WFDC8: variants seen among roughly 807,000 people sequenced by gnomAD.
The protein encoded by WFDC8 is WAP four-disulfide core domain protein 8.
A neutral mutation model predicts 27.0 loss-of-function variants in WFDC8; 24 were observed. The ratio of observed to expected loss-of-function variants is 0.89; its 90% CI spans 0.64 to 1.25. The LOEUF (loss-of-function observed/expected upper bound fraction) is 1.25. WFDC8 is among the 50% of genes most tolerant of loss of function. WFDC8 has a pLI of 0.00. For synonymous variants in WFDC8, 106 were observed against 99.7 expected (o/e 1.06, Z -0.38); for missense variants, 287 against 295.9 (o/e 0.97, Z 0.22).
chr20:45,555,545 A>G (rs1378745877), intron 4 of WFDC8, among the ~76,000 whole-genome samples, 156 bp downstream of exon 4: 2 of 152,208 alleles, frequency 1.3e-5, no homozygotes, highest in African/African-American at 2.4e-5. Flanking sequence ...TGAAGCTTAT[A>G]AAGGCAGGCA....
At chr20:45,574,280 T>C (rs953188845) in intron 1 of WFDC8, among the ~76,000 whole-genome samples, 1 of 152,098 alleles carries the variant, frequency 6.6e-6, no homozygotes, top group Non-Finnish European at 1.5e-5. Context: ...TACCAAACAT[T>C]TAAAGAACTA....
rs1190999593 is a variant in WFDC8 at position 45,555,715 on chromosome 20, G to T, written c.431C>A (p.Ala144Asp). 1.9e-6 allele frequency: 3 copies of T among 1,612,402 alleles called. No homozygotes were observed. The highest frequency in any genetic ancestry group is 2.5e-6 in the Non-Finnish European group (3 of 1,179,972). ...AGAGGTCTCACCAATTAACATGCAG[G>T]CCGTTCTGCAGGCATCCTCATTTAA... ...NFLNEDACRTACMLIVKDGQC... is the reference protein window; with the variant it reads ...NFLNEDACRTDCMLIVKDGQC... The change falls in exon 4 of 6, where the codon GCC (alanine) becomes GAC (aspartate). Residue 144 changes from alanine (A) to aspartate (D), a missense_variant. Coordinates refer to ENST00000289953, the MANE Select transcript of WFDC8 (RefSeq NM_130896.3).
At position 45,552,061 on chromosome 20, in the gene WFDC8, G is replaced by A. The variant is rs1600882935; in HGVS notation, c.691C>T (p.His231Tyr). 3 of 1,614,062 alleles carry A rather than the reference G, an allele frequency of 1.9e-6. No individual in the cohort carries two copies. The highest frequency in any genetic ancestry group is 1.7e-6 in the Non-Finnish European group (2 of 1,179,944). ...ECPLVEKCCS[H>Y]CGLKCMDPRR The stretch of plus-strand genomic sequence containing the variant: ...GGGTCCATACATTTCAGTCCACAAT[G>A]TGAGCAGCACTTTTCCACCAATGGG... The change falls in exon 6 of 6, where the codon CAT (histidine) becomes TAT (tyrosine). Residue 231 changes from histidine to tyrosine, a missense_variant. Physicochemically the swap from His to Tyr is moderately conservative, Grantham distance 83. Coordinates refer to ENST00000289953, the MANE Select transcript of WFDC8 (RefSeq NM_130896.3).
intron 5 of WFDC8, 105 bp downstream of exon 5, chr20:45,553,031 G>T: frequency 7.1e-7 from 1 of 1,404,290 alleles, no homozygotes; most frequent in Non-Finnish European, 9.7e-7. Flanking sequence ...TCAAAGATGA[G>T]CCCAAGGAGC....
Position 45,558,950 on chromosome 20 carries a change from G to A in WFDC8, c.179C>T (p.Thr60Ile). The change falls in exon 3 of 6, where the codon ACT becomes ATT. Residue 60 changes from threonine to isoleucine, a missense_variant. Physicochemically the swap from Thr to Ile is moderately conservative, Grantham distance 89. Transcript: ENST00000289953. Reference sequence around the variant, plus strand: ...TGTGTTACATGAGTCCGGAAGTTCAGTGGTACAGGTGAGCCTCTCTTTGGG... The same window carrying A: ...TGTGTTACATGAGTCCGGAAGTTCAATGGTACAGGTGAGCCTCTCTTTGGG... ...LCPKERLTCTTELPDSCNTDF... is the reference protein window; with the variant it reads ...LCPKERLTCTIELPDSCNTDF... The A allele has an allele frequency of 6.2e-7, 1 of 1,614,232 alleles. No homozygotes were observed. Among genetic ancestry groups the A allele is most frequent in the Admixed American group, 1.7e-5 (1 of 60,030 alleles).
At chr20:45,573,931 T>C (rs1012007437) in intron 1 of WFDC8, among the ~76,000 whole-genome samples, 8 of 152,220 alleles carry the variant, frequency 5.3e-5, no homozygotes, top group Non-Finnish European at 1.0e-4. Flanking sequence ...CTTTGTAGTA[T>C]ATTTAAAATC....
intron 3 of WFDC8, among the ~76,000 whole-genome samples, chr20:45,558,603 G>A (rs755002924): frequency 3.5e-4 from 53 of 152,174 alleles, no homozygotes; most frequent in Non-Finnish European, 5.3e-4. Context: ...AACAGAGTGC[G>A]CATGCAACAA....
intron 1 of WFDC8, among the ~76,000 whole-genome samples, chr20:45,567,668 C>T (rs1600896188): frequency 6.6e-6 from 1 of 152,150 alleles, no homozygotes; most frequent in African/African-American, 2.4e-5. Context: ...AGCCACTCTC[C>T]ACCGCCACTG....
intron 1 of WFDC8, among the ~76,000 whole-genome samples, chr20:45,569,786 A>G (rs1980807388): frequency 6.6e-6 from 1 of 152,220 alleles, no homozygotes; most frequent in South Asian, 2.1e-4. Context: ...GAATTGACCT[A>G]AATGTCCATC....
rs1980045850 is a variant in WFDC8, at chr20:45,551,867, A to T, written c.*159T>A. On this transcript the variant is annotated 3_prime_UTR_variant, in exon 6 of 6. Transcript: ENST00000289953. ...TTGAAAAAAAGCCAAATATATCATCACTTTCAGATGATGGGATTATATATA... is the reference window on the plus strand; with the variant it reads ...TTGAAAAAAAGCCAAATATATCATCTCTTTCAGATGATGGGATTATATATA... 1.4e-5 allele frequency: 13 copies of T among 904,836 alleles called. No homozygotes were observed. In the South Asian group the frequency reaches 2.7e-4, roughly 19 times the overall value. The allele number at this position is 904,836 out of a possible 1,614,324, so 56.1% of individuals were successfully genotyped here.
chr20:45,553,308 A>C, intron 4 of WFDC8, 32 bp from the exon 5 acceptor site: 1 of 1,594,310 alleles, frequency 6.3e-7, no homozygotes, highest in Non-Finnish European at 8.5e-7. Flanking sequence ...GCTTCTTAAA[A>C]CCCCACCCCC....
At chr20:45,557,118 A>G (rs547020123) in intron 3 of WFDC8, among the ~76,000 whole-genome samples, 1 of 152,308 alleles carries the variant, frequency 6.6e-6, no homozygotes, top group East Asian at 1.9e-4. Context: ...CTCTGCCACA[A>G]CGCCCAACCA....
At chr20:45,555,012 C>T (rs576470149) in intron 4 of WFDC8, among the ~76,000 whole-genome samples, 12 of 152,310 alleles carry the variant, frequency 7.9e-5, no homozygotes, top group Middle Eastern at 3.4e-3. Flanking sequence ...GCCCACACCA[C>T]GGGACCACCA....
intron 1 of WFDC8, among the ~76,000 whole-genome samples, chr20:45,573,689 G>T (rs1385630570): frequency 6.6e-6 from 1 of 152,116 alleles, no homozygotes; most frequent in Admixed American, 6.5e-5. Flanking sequence ...TATCCATTGA[G>T]TTGATTTTTT....
At chr20:45,567,181 A>G (rs1302605447) in intron 1 of WFDC8, among the ~76,000 whole-genome samples, 1 of 152,248 alleles carries the variant, frequency 6.6e-6, no homozygotes, top group Non-Finnish European at 1.5e-5. Context: ...ATCAATGTTA[A>G]CTATTTTCAA....
chr20:45,579,134 A>G (rs1364902020), intron 1 of WFDC8, 88 bp downstream of exon 1: 1 of 1,354,854 alleles, frequency 7.4e-7, no homozygotes, highest in East Asian at 2.3e-5. Context: ...CCCACAGCCG[A>G]CCACTCTAAC....
At chr20:45,564,625 G>A (rs1298517422) in intron 1 of WFDC8, among the ~76,000 whole-genome samples, 1 of 149,938 alleles carries the variant, frequency 6.7e-6, no homozygotes, top group Non-Finnish European at 1.5e-5. Context: ...AGTGAGCCGA[G>A]ATCGCCGCCA....
At chr20:45,554,992 C>T (rs900487007) in intron 4 of WFDC8, among the ~76,000 whole-genome samples, 4 of 152,202 alleles carry the variant, frequency 2.6e-5, no homozygotes, top group African/African-American at 7.2e-5. Context: ...CAATTGTTAC[C>T]GTTTAGTGAG....
chr20:45,565,014 G>GAA (rs1555798556), intron 1 of WFDC8, among the ~76,000 whole-genome samples: 148 of 88,062 alleles, frequency 1.7e-3, no homozygotes, highest in Non-Finnish European at 2.7e-3. Flanking sequence ...AAGAAAGAAA[G>GAA]AGAAAGAAAG....
Sources: allele counts gnomAD v4.1 joint callset (sites outside exome capture counted in the v4.1 genomes callset), GRCh38; gene constraint gnomAD v4.1.1; transcripts MANE v1.5; gene names NCBI Gene and HGNC (gene_info 2026-07-23, HGNC 2026-07-21).